Variants in CTNNA2 observed in about 807,000 individuals in gnomAD.
CTNNA2 encodes catenin alpha-2.
A neutral mutation model predicts 101.0 loss-of-function variants in CTNNA2; 42 were observed. The ratio of observed to expected loss-of-function variants is 0.42; its 90% CI spans 0.32 to 0.54. The LOEUF (loss-of-function observed/expected upper bound fraction) is 0.54, where lower values mean the gene tolerates loss of function less well. CTNNA2 is among the 20% of genes least tolerant of loss of function. CTNNA2 has a pLI of 0.14. For synonymous variants in CTNNA2, 450 were observed against 456.4 expected (o/e 0.99, Z 0.18); for missense variants, 871 against 1,223.1 (o/e 0.71, Z 4.29).
At chr2:79,458,909 A>G (rs1426776669) in intron 4 of CTNNA2, among the ~76,000 whole-genome samples, 1 of 152,150 alleles carries the variant, frequency 6.6e-6, no homozygotes, top group Non-Finnish European at 1.5e-5. Flanking sequence ...TAAAAAATAC[A>G]TGCCACAGAA....
intron 7 of CTNNA2, among the ~76,000 whole-genome samples, chr2:80,294,666 T>A (rs896030831): frequency 2.0e-5 from 3 of 151,702 alleles, no homozygotes; most frequent in African/African-American, 4.8e-5. Flanking sequence ...TAAAAATAAT[T>A]CTCCTCACCA....
intron 7 of CTNNA2, among the ~76,000 whole-genome samples, chr2:80,067,064 G>T (rs1263962149): frequency 6.6e-6 from 1 of 152,144 alleles, no homozygotes; most frequent in Admixed American, 6.5e-5. Flanking sequence ...AGAATAGAAT[G>T]ATGATGACCA....
intron 9 of CTNNA2, among the ~76,000 whole-genome samples, chr2:80,476,602 G>T (rs1454540269): frequency 6.6e-6 from 1 of 152,138 alleles, no homozygotes; most frequent in Non-Finnish European, 1.5e-5. Flanking sequence ...CCTTGGCTCA[G>T]TTCTTTACAT....
intron 11 of CTNNA2, among the ~76,000 whole-genome samples, chr2:80,554,696 T>C (rs1007627363): frequency 6.6e-6 from 1 of 152,184 alleles, no homozygotes; most frequent in African/African-American, 2.4e-5. Flanking sequence ...ACTACCCCTT[T>C]GGGAGTTAGA....
chr2:79,967,408 T>C (rs944079531), intron 7 of CTNNA2, among the ~76,000 whole-genome samples: 1 of 152,124 alleles, frequency 6.6e-6, no homozygotes, highest in Non-Finnish European at 1.5e-5. Context: ...CTCTACAGGC[T>C]CACTAGCCCA....
chr2:79,411,286 G>T (rs1678407057), intron 4 of CTNNA2, among the ~76,000 whole-genome samples: 1 of 151,526 alleles, frequency 6.6e-6, no homozygotes, highest in South Asian at 2.1e-4. Flanking sequence ...AGGGTTTTTT[G>T]TGTCTCTATT....
Position 79,798,560 on chromosome 2 carries a change from C to CTTT in CTNNA2, c.298+53998_298+54000dup, listed in dbSNP as rs34542700. 8.0e-3 allele frequency among the ~76,000 whole-genome samples: 993 copies of CTTT among 123,756 alleles called. 28 individuals carry two copies. The highest frequency in any genetic ancestry group is 0.026 in the African/African-American group (900 of 34,148). The allele number at this position is 123,756 out of a possible 152,430, so 81.2% of individuals were successfully genotyped here. On this transcript the variant is annotated intron_variant, in intron 3 of 18. Coordinates refer to ENST00000402739, the MANE Select transcript of CTNNA2 (RefSeq NM_001282597.3). ...AAGCCAACTAATTTATATAATAAGA[C>CTTT]TTTTTTTTTTTTTTTTTTTTTTACA...
intron 1 of CTNNA2, among the ~76,000 whole-genome samples, chr2:79,591,103 AAAGT>A (rs1212913780): frequency 6.6e-6 from 1 of 152,226 alleles, no homozygotes; most frequent in Non-Finnish European, 1.5e-5. Context: ...AAGCTGAATG[AAAGT>A]TAAACAACAA....
At chr2:80,188,541 G>A (rs1706274470) in intron 7 of CTNNA2, among the ~76,000 whole-genome samples, 1 of 152,128 alleles carries the variant, frequency 6.6e-6, no homozygotes, top group South Asian at 2.1e-4. Context: ...ATAAAGATGT[G>A]GACAGGGCTG....
intron 7 of CTNNA2, among the ~76,000 whole-genome samples, chr2:80,353,803 ATTAT>A (rs1231961037): frequency 6.6e-6 from 1 of 152,184 alleles, no homozygotes; most frequent in Non-Finnish European, 1.5e-5. Flanking sequence ...AAAATGTGAC[ATTAT>A]TTAGTGCCCT....
chr2:79,392,941 T>A (rs761107122), intron 4 of CTNNA2, among the ~76,000 whole-genome samples: 7 of 152,236 alleles, frequency 4.6e-5, no homozygotes, highest in Non-Finnish European at 7.3e-5. Context: ...CAACTCTGAA[T>A]ATATTCCATC....
intron 18 of CTNNA2, among the ~76,000 whole-genome samples, chr2:80,624,109 A>T (rs1249156830): frequency 6.6e-6 from 1 of 151,978 alleles, no homozygotes; most frequent in African/African-American, 2.4e-5. Context: ...ATGAAGATTG[A>T]AGCTAAGTTG....
chr2:79,851,737 C>CTTTTTT (rs11399192), intron 3 of CTNNA2, among the ~76,000 whole-genome samples: 19 of 87,136 alleles, frequency 2.2e-4, no homozygotes, highest in Non-Finnish European at 2.8e-4. Flanking sequence ...TTTTCTTTTC[C>CTTTTTT]TTTTTTTTTT....
chr2:79,465,284 A>T (rs1670920707), intron 4 of CTNNA2, among the ~76,000 whole-genome samples: 1 of 152,188 alleles, frequency 6.6e-6, no homozygotes, highest in East Asian at 1.9e-4. Flanking sequence ...ATCAAAGATC[A>T]GATGGTTGTA....
At chr2:79,861,664 A>AATATTG (rs1681634652) in intron 4 of CTNNA2, among the ~76,000 whole-genome samples, 1 of 152,206 alleles carries the variant, frequency 6.6e-6, no homozygotes, top group Non-Finnish European at 1.5e-5. Flanking sequence ...GTGGTACTTT[A>AATATTG]ATATTGAGTT....
intron 18 of CTNNA2, among the ~76,000 whole-genome samples, chr2:80,622,280 A>G (rs899319047): frequency 9.2e-5 from 14 of 151,890 alleles, no homozygotes; most frequent in African/African-American, 3.4e-4. Context: ...CACAGCCACA[A>G]CTATGCAAGA....
intron 1 of CTNNA2, among the ~76,000 whole-genome samples, chr2:79,621,400 A>G (rs1436155657): frequency 6.6e-6 from 1 of 152,198 alleles, no homozygotes; most frequent in Non-Finnish European, 1.5e-5. Flanking sequence ...AACATCTTGT[A>G]CTGCCATAAA....
chr2:79,433,453 T>A (rs1678677558), intron 4 of CTNNA2, among the ~76,000 whole-genome samples: 1 of 152,124 alleles, frequency 6.6e-6, no homozygotes, highest in African/African-American at 2.4e-5. Context: ...TGTTTCTTGA[T>A]GCTTTGCTTG....
At chr2:79,437,050 A>G (rs1008229709) in intron 4 of CTNNA2, among the ~76,000 whole-genome samples, 2 of 151,982 alleles carry the variant, frequency 1.3e-5, no homozygotes, top group Non-Finnish European at 1.5e-5. Flanking sequence ...CCTGCCCAAC[A>G]TAGTGAAAAC....
Sources: gnomAD v4.1 joint callset for allele counts (sites outside exome capture counted in the v4.1 genomes callset) on GRCh38, gnomAD v4.1.1 for gene constraint, MANE v1.5 for transcripts, NCBI Gene and HGNC (gene_info 2026-07-23, HGNC 2026-07-21) for gene names.